WWP1: variants seen among roughly 807,000 people sequenced by gnomAD.
WWP1 encodes the protein NEDD4-like E3 ubiquitin-protein ligase WWP1.
WWP1 carries 49 observed loss-of-function variants against 130.6 expected under a neutral mutation model. The ratio of observed to expected loss-of-function variants is 0.38; its 90% confidence interval spans 0.30 to 0.48. WWP1 has a LOEUF of 0.48. Among genes scored for constraint, WWP1 ranks in the 20% least tolerant of loss-of-function variants. WWP1 has a pLI of 0.99. For synonymous variants in WWP1, 332 were observed against 367.8 expected (o/e 0.90, Z 1.11); for missense variants, 809 against 1,100.6 (o/e 0.74, Z 3.75).
intron 8 of WWP1, 101 bp from the exon 9 acceptor site, chr8:86,411,437 C>T (rs1808577733): frequency 2.1e-6 from 2 of 947,788 alleles, no homozygotes; most frequent in Admixed American, 2.5e-5. Context: ...ATTGTAGTTG[C>T]TTAGTCTGGA....
rs972398529 is a variant in WWP1, at chr8:86,411,790, C to T, written c.977C>T (p.Ala326Val). 1.4e-5 allele frequency: 22 copies of T among 1,614,128 alleles called. No homozygotes were observed. Among genetic ancestry groups the T allele is most frequent in the Non-Finnish European group, 1.8e-5 (21 of 1,180,024 alleles). Residue 326 changes from alanine to valine, a missense_variant, in exon 9 of 25, where the codon GCA (alanine) becomes GTA (valine). Transcript: ENST00000517970. ...SNSRSSSAFEAAKSRQPDGCM... is the reference protein window; with the variant it reads ...SNSRSSSAFEVAKSRQPDGCM... ...TCTAGAAGTAGTTCTGCTTTTGAAG[C>T]AGCCAAATCAAGACAGCCAGATGGG...
intron 14 of WWP1, among the ~76,000 whole-genome samples, chr8:86,432,255 A>G (rs1043868896): frequency 3.7e-4 from 56 of 152,154 alleles, no homozygotes; most frequent in Admixed American, 3.5e-3. Flanking sequence ...TTCTTACTCT[A>G]AGGTGTCATG....
Position 86,380,715 on chromosome 8 carries a change from TTGTC to T in WWP1, c.71-7_71-4del, listed in dbSNP as rs747027118. 1.9e-6 allele frequency: 3 copies of T among 1,604,006 alleles called. No homozygotes were observed. The highest frequency in any genetic ancestry group is 1.1e-5 in the South Asian group (1 of 88,998). ...CAACACATACTCACTAGTGAATTATTTGTCTGTTAGTTTCTAGTGCCAAACTTAA... is the reference window on the plus strand; with the variant it reads ...CAACACATACTCACTAGTGAATTATTTGTTAGTTTCTAGTGCCAAACTTAA... On this transcript the variant is annotated splice_region_variant and splice_polypyrimidine_tract_variant and intron_variant, in intron 3 of 24. Transcript: ENST00000517970.
chr8:86,371,713 A>G (rs542716799), intron 2 of WWP1, among the ~76,000 whole-genome samples: 1 of 152,298 alleles, frequency 6.6e-6, no homozygotes, highest in Non-Finnish European at 1.5e-5. Context: ...TTATATATGT[A>G]GTTTAAATAC....
At chr8:86,445,169 G>T (rs778010969) in intron 18 of WWP1, among the ~76,000 whole-genome samples, 1 of 152,102 alleles carries the variant, frequency 6.6e-6, no homozygotes, top group Non-Finnish European at 1.5e-5. Flanking sequence ...TCTATTAGTT[G>T]CAGGTCAAAA....
At chr8:86,444,095 TA>T (rs1254798061) in intron 18 of WWP1, among the ~76,000 whole-genome samples, 1 of 152,236 alleles carries the variant, frequency 6.6e-6, no homozygotes, top group Non-Finnish European at 1.5e-5. Context: ...AAATCATTTG[TA>T]ACAATCCAGG....
chr8:86,465,405 G>A (rs895849221), intron 24 of WWP1, among the ~76,000 whole-genome samples: 1 of 152,170 alleles, frequency 6.6e-6, no homozygotes, highest in Admixed American at 6.5e-5. Flanking sequence ...GGGATGTAGT[G>A]GCAGTAGAAA....
intron 24 of WWP1, among the ~76,000 whole-genome samples, chr8:86,465,260 A>G (rs1422725004): frequency 6.6e-6 from 1 of 152,176 alleles, no homozygotes; most frequent in African/African-American, 2.4e-5. Flanking sequence ...TAGCAACTCG[A>G]AAGCAGCAAA....
intron 24 of WWP1, among the ~76,000 whole-genome samples, chr8:86,465,102 A>C (rs1811976146): frequency 6.6e-6 from 1 of 152,094 alleles, no homozygotes; most frequent in African/African-American, 2.4e-5. Context: ...AATTGGGAGA[A>C]TTGTTAGAGA....
intron 3 of WWP1, among the ~76,000 whole-genome samples, chr8:86,375,634 A>G (rs1373727302): frequency 1.3e-5 from 2 of 152,062 alleles, no homozygotes; most frequent in Non-Finnish European, 2.9e-5. Flanking sequence ...ATTGCGCCAT[A>G]TCCTGTTGAA....
intron 1 of WWP1, among the ~76,000 whole-genome samples, chr8:86,349,028 A>ATT (rs920749910): frequency 2.6e-5 from 4 of 151,934 alleles, no homozygotes; most frequent in Non-Finnish European, 5.9e-5. Flanking sequence ...AAGCAACCAG[A>ATT]TCTTTTTTTT....
In WWP1 at chr8:86,381,538, A is replaced by C. The variant is rs148496362; in HGVS notation, c.243A>C (p.Gln81His). Residue 81 changes from glutamine (Q) to histidine (H), a missense_variant, in exon 5 of 25, where the codon CAA (glutamine) becomes CAC (histidine). Physicochemically the swap from Gln to His is conservative, Grantham distance 24 (BLOSUM62 0). Transcript: ENST00000517970. ...NVTPQTTLEF[Q>H]VWSHRTLKAD... Reference sequence around the variant, plus strand: ...CGCCACAGACTACATTGGAATTTCAAGTTTGGAGCCATCGCACTTTAAAAG... The same window carrying C: ...CGCCACAGACTACATTGGAATTTCACGTTTGGAGCCATCGCACTTTAAAAG... 1.2e-6 allele frequency: 2 copies of C among 1,609,910 alleles called. No homozygotes were observed. Among genetic ancestry groups the C allele is most frequent in the Non-Finnish European group, 8.5e-7 (1 of 1,179,086 alleles).
At chr8:86,456,515 CA>C (rs1344193369) in intron 21 of WWP1, among the ~76,000 whole-genome samples, 1 of 151,844 alleles carries the variant, frequency 6.6e-6, no homozygotes, top group African/African-American at 2.4e-5. Flanking sequence ...AAATGCAAAT[CA>C]AAGCACCACT....
Position 86,448,133 on chromosome 8 carries a change from C to A in WWP1, c.1999-15C>A. 1 of 1,540,936 alleles carries A rather than the reference C, an allele frequency of 6.5e-7. No homozygotes were observed. The highest frequency in any genetic ancestry group is 1.3e-5 in the South Asian group (1 of 76,546). ...TTTGCAAATTTTAAATAAAATTTTT[C>A]ATTTTTCTTTGCAGGCACTATTTCA... On this transcript the variant is annotated splice_polypyrimidine_tract_variant and intron_variant, in intron 18 of 24. Coordinates refer to ENST00000517970, the MANE Select transcript of WWP1 (RefSeq NM_007013.4).
In WWP1 at chr8:86,402,032, G is replaced by T; in HGVS notation, c.553G>T (p.Gly185Cys). ...TTTTTTTTCAAGGTTGGCTGTTGAA[G>T]GCACGAATGGAATAGATAATCATGT... ...ARTTARLAVEGTNGIDNHVPT... is the reference protein window; with the variant it reads ...ARTTARLAVECTNGIDNHVPT... Residue 185 changes from glycine (G) to cysteine (C), a missense_variant, in exon 8 of 25, where the codon GGC becomes TGC. Physicochemically the swap from Gly to Cys is radical, Grantham distance 159. Transcript: ENST00000517970. 6.4e-7 allele frequency: 1 copy of T among 1,568,850 alleles called. No homozygotes were observed. Among genetic ancestry groups the T allele is most frequent in the Non-Finnish European group, 8.6e-7 (1 of 1,156,214 alleles).
intron 1 of WWP1, among the ~76,000 whole-genome samples, chr8:86,345,625 T>A (rs1336875965): frequency 6.8e-6 from 1 of 147,740 alleles, no homozygotes; most frequent in African/African-American, 2.4e-5. Flanking sequence ...TTGCCCAGGC[T>A]CGTGTTGAAC....
At position 86,442,462 on chromosome 8, in the gene WWP1, G is replaced by A. The variant is rs1810642743; in HGVS notation, c.1839-157G>A. 14 of 591,934 alleles carry A rather than the reference G, an allele frequency of 2.4e-5. No individual in the cohort carries two copies. In the East Asian group the frequency reaches 4.2e-4, roughly 18 times the overall value. 36.7% of individuals were successfully genotyped at this position (591,934 alleles called of 1,614,324 possible). A position where few individuals can be genotyped will look rare whatever the true frequency, so the allele number is the denominator to read the frequency against. ...AGCAGGTAACTTAAATGGAGAGCCA[G>A]ATCATAGAAGAACTTGGATAGAGGG... On this transcript the variant is annotated intron_variant, in intron 17 of 24. Coordinates refer to ENST00000517970, the MANE Select transcript of WWP1 (RefSeq NM_007013.4).
intron 24 of WWP1, among the ~76,000 whole-genome samples, chr8:86,463,338 A>G (rs1348904809): frequency 6.6e-6 from 1 of 151,654 alleles, no homozygotes; most frequent in Admixed American, 6.6e-5. Context: ...ATGGAGTCTC[A>G]CTCTGTCACC....
At chr8:86,440,616 CT>C in intron 17 of WWP1, 2 of 440,350 alleles carry the variant, frequency 4.5e-6, no homozygotes, top group East Asian at 7.0e-5. Flanking sequence ...TGTTTTGTAT[CT>C]TTTTTTAGGA....
Sources: allele counts gnomAD v4.1 joint callset (sites outside exome capture counted in the v4.1 genomes callset), GRCh38; gene constraint gnomAD v4.1.1; transcripts MANE v1.5; gene names NCBI Gene and HGNC (gene_info 2026-07-23, HGNC 2026-07-21).